KCNK13: variants seen among roughly 807,000 people sequenced by gnomAD.
KCNK13 encodes potassium channel subfamily K member 13.
A neutral mutation model predicts 23.4 loss-of-function variants in KCNK13; 12 were observed. That is an observed-to-expected ratio of 0.51 (90% CI 0.33 to 0.83). The LOEUF (loss-of-function observed/expected upper bound fraction) is 0.83, where lower values mean the gene tolerates loss of function less well. KCNK13 is among the 40% of genes least tolerant of loss of function. The probability of loss-of-function intolerance (pLI) is 0.02; values close to 1 mark genes in which losing one functional copy is unlikely to be tolerated. For synonymous variants in KCNK13, 231 were observed against 229.5 expected (o/e 1.01, Z -0.06); for missense variants, 463 against 556.3 (o/e 0.83, Z 1.69).
intron 1 of KCNK13, among the ~76,000 whole-genome samples, chr14:90,064,083 C>G (rs1888978874): frequency 6.6e-6 from 1 of 152,186 alleles, no homozygotes; most frequent in African/African-American, 2.4e-5. Context: ...CTGCTGGACT[C>G]TTAGCCGTGT....
chr14:90,155,875 G>A (rs969526963), intron 1 of KCNK13, among the ~76,000 whole-genome samples: 1 of 152,226 alleles, frequency 6.6e-6, no homozygotes, highest in Admixed American at 6.5e-5. Context: ...GCACGAGTAT[G>A]GAGTTCGGCA....
At chr14:90,087,312 A>T (rs1333707501) in intron 1 of KCNK13, among the ~76,000 whole-genome samples, 1 of 151,904 alleles carries the variant, frequency 6.6e-6, no homozygotes. Flanking sequence ...ATAACAAAGC[A>T]CATTTAATGT....
chr14:90,164,834 G>A (rs902170036), intron 1 of KCNK13, among the ~76,000 whole-genome samples: 1 of 152,160 alleles, frequency 6.6e-6, no homozygotes, highest in African/African-American at 2.4e-5. Context: ...TTTCAAATGG[G>A]ATTTCTGGAA....
chr14:90,101,688 G>T (rs1484964984), intron 1 of KCNK13, among the ~76,000 whole-genome samples: 1 of 148,476 alleles, frequency 6.7e-6, no homozygotes, highest in East Asian at 2.1e-4. Context: ...TACTCGGGAG[G>T]CTGAGGCAGG....
intron 1 of KCNK13, among the ~76,000 whole-genome samples, chr14:90,069,455 G>C (rs1889048875): frequency 6.6e-6 from 1 of 152,120 alleles, no homozygotes; most frequent in South Asian, 2.1e-4. Context: ...CTGGGGCTCA[G>C]CTGGTAGGTG....
intron 1 of KCNK13, among the ~76,000 whole-genome samples, chr14:90,098,313 C>A (rs1157187901): frequency 2.0e-5 from 3 of 152,152 alleles, no homozygotes; most frequent in Non-Finnish European, 4.4e-5. Context: ...AGTCTGATTT[C>A]TTGGCTCTCA....
In KCNK13 at chr14:90,107,892, T is replaced by C. The variant is rs191187910; in HGVS notation, c.334+45353T>C. 4.7e-5 allele frequency: 37 copies of C among 780,730 alleles called. No homozygotes were observed. The East Asian group carries it at 9.3e-4, about 20-fold the overall frequency. 48.4% of individuals were successfully genotyped at this position (780,730 alleles called of 1,614,324 possible). On this transcript the variant is annotated intron_variant, in intron 1 of 1. Coordinates refer to ENST00000282146, the MANE Select transcript of KCNK13 (RefSeq NM_022054.4). ...ACGGGAGCAAGAATGGGGCCTTGAGTCTTTATCAGTAAAGATTGTATAGGC... is the reference window on the plus strand; with the variant it reads ...ACGGGAGCAAGAATGGGGCCTTGAGCCTTTATCAGTAAAGATTGTATAGGC...
In KCNK13 at chr14:90,093,400, A is replaced by C. The variant is rs373508523; in HGVS notation, c.334+30861A>C. ...AGTAATATCAGTTGGAGATGGAGTC[A>C]GTCCCATTTCCACTTGATTTTATTC... is the stretch of plus-strand genomic sequence containing the variant. On this transcript the variant is annotated intron_variant, in intron 1 of 1. Transcript: ENST00000282146. 5.9e-5 allele frequency among the ~76,000 whole-genome samples: 9 copies of C among 152,354 alleles called. 3 individuals carry two copies. Among genetic ancestry groups the C allele is most frequent in the South Asian group, 2.1e-4 (1 of 4,824 alleles).
Position 90,062,060 on chromosome 14 carries a change from G to A in KCNK13, c.-146G>A, listed in dbSNP as rs1198594926. 4.3e-6 allele frequency: 2 copies of A among 470,004 alleles called. No individual in the cohort carries two copies. Among genetic ancestry groups the A allele is most frequent in the Non-Finnish European group, 6.9e-6 (2 of 289,142 alleles). The allele number at this position is 470,004 out of a possible 1,614,324, so 29.1% of individuals were successfully genotyped here. A position where few individuals can be genotyped will look rare whatever the true frequency, so the allele number is the denominator to read the frequency against. On this transcript the variant is annotated 5_prime_UTR_variant, in exon 1 of 2. Transcript: ENST00000282146. This position sits in a 1 kb window ranked among gnomAD's most constrained non-coding sequence, Gnocchi z 4.5. ...CGGCCGGGGGAGCCTCGCGGCCTGCGGGAGAGCCCGGCGGTCATGGGCGAG... is the reference window on the plus strand; with the variant it reads ...CGGCCGGGGGAGCCTCGCGGCCTGCAGGAGAGCCCGGCGGTCATGGGCGAG...
At chr14:90,131,699 T>G (rs1298049742) in intron 1 of KCNK13, among the ~76,000 whole-genome samples, 3 of 152,186 alleles carry the variant, frequency 2.0e-5, no homozygotes, top group Non-Finnish European at 4.4e-5. Context: ...AGCGAATGTT[T>G]TGTAGATTTT....
rs534548019 is a variant in KCNK13, at chr14:90,158,759, C to T, written c.335-25352C>T. ...TTGTCCTCGAGTCAAGGTCTCTGTC[C>T]TCATGCTGCGTATGTCCTACTGGGG... On this transcript the variant is annotated intron_variant, in intron 1 of 1. Transcript: ENST00000282146. 6.6e-5 allele frequency among the ~76,000 whole-genome samples: 10 copies of T among 152,286 alleles called. No individual in the cohort carries two copies. In the South Asian group the frequency reaches 2.1e-3, roughly 32 times the overall value.
In KCNK13 at chr14:90,185,185, G is replaced by A; in HGVS notation, c.*182G>A. 2 of 531,256 alleles carry A rather than the reference G, an allele frequency of 3.8e-6. No individual in the cohort carries two copies. The highest frequency in any genetic ancestry group is 7.1e-5 in the South Asian group (2 of 28,060). The allele number at this position is 531,256 out of a possible 1,614,324, so 32.9% of individuals were successfully genotyped here. ...CAACAGCCACCTTCCAGGGATGGGG[G>A]GCCTGAAGCCTCGATGCTTGTCTCC... On this transcript the variant is annotated 3_prime_UTR_variant, in exon 2 of 2. Transcript: ENST00000282146.
intron 1 of KCNK13, among the ~76,000 whole-genome samples, chr14:90,109,003 C>T (rs921530341): frequency 5.9e-4 from 90 of 152,102 alleles, no homozygotes; most frequent in African/African-American, 1.8e-3. Context: ...GGTGAAACCC[C>T]GTCTCTACTA....
intron 1 of KCNK13, among the ~76,000 whole-genome samples, chr14:90,139,821 G>C (rs981531223): frequency 6.6e-6 from 1 of 152,086 alleles, no homozygotes; most frequent in African/African-American, 2.4e-5. Flanking sequence ...AATTAGCCGG[G>C]CGTCATGGCA....
intron 1 of KCNK13, among the ~76,000 whole-genome samples, chr14:90,181,822 T>C (rs59036649): frequency 0.25 from 37,937 of 152,052 alleles, 6,140 homozygotes; most frequent in East Asian, 0.66. Flanking sequence ...CTATTTTCAT[T>C]GACTTCATCC....
At chr14:90,105,997 G>C (rs1251765794) in intron 1 of KCNK13, among the ~76,000 whole-genome samples, 4 of 152,198 alleles carry the variant, frequency 2.6e-5, no homozygotes, top group Non-Finnish European at 5.9e-5. Context: ...GCCAAGTCCT[G>C]GTTGGGTCTG....
At position 90,062,247 on chromosome 14, in the gene KCNK13, C is replaced by T. The variant is rs766187755; in HGVS notation, c.42C>T (p.Asn14=). 1 of 1,501,082 alleles carries T rather than the reference C, an allele frequency of 6.7e-7. No homozygotes were observed. The highest frequency in any genetic ancestry group is 8.9e-7 in the Non-Finnish European group (1 of 1,127,600). 93.0% of individuals were successfully genotyped at this position (1,501,082 alleles called of 1,614,324 possible). ...TCAGCTGGGGCCCGGGCCACCTGAA[C>T]GAGGACAACGCGCGCTTTCTGCTGC... ...RGFSWGPGHL[N]EDNARFLLLA... is the part of the protein sequence containing the mutation. The change falls in exon 1 of 2, where the codon AAC becomes AAT. Residue 14 remains asparagine, a synonymous_variant. Coordinates refer to ENST00000282146, the MANE Select transcript of KCNK13 (RefSeq NM_022054.4). The surrounding 1 kb of genome is among the most constrained non-coding windows in gnomAD (Gnocchi z 4.5).
At chr14:90,156,073 G>A (rs991713765) in intron 1 of KCNK13, among the ~76,000 whole-genome samples, 4 of 151,924 alleles carry the variant, frequency 2.6e-5, no homozygotes, top group South Asian at 4.1e-4. Context: ...GCATGGTAGC[G>A]CACACTTGTA....
chr14:90,123,229 G>A (rs570058054), intron 1 of KCNK13, among the ~76,000 whole-genome samples: 2 of 152,310 alleles, frequency 1.3e-5, no homozygotes, highest in South Asian at 4.1e-4. Context: ...AAGCCACTGG[G>A]TGGCTTAAAC....
Sources: allele counts gnomAD v4.1 joint callset (sites outside exome capture counted in the v4.1 genomes callset), GRCh38; gene constraint gnomAD v4.1.1; non-coding constraint Gnocchi (gnomAD v3.1); transcripts MANE v1.5; gene names NCBI Gene and HGNC (gene_info 2026-07-23, HGNC 2026-07-21).